SLC24A3: variants seen among roughly 807,000 people sequenced by gnomAD.
The protein encoded by SLC24A3 is solute carrier family 24 member 3, also known as sodium/potassium/calcium exchanger 3.
Under a neutral mutation model 75.8 loss-of-function variants are expected in SLC24A3, and 28 were observed. The ratio of observed to expected loss-of-function variants is 0.37; its 90% confidence interval spans 0.27 to 0.51. The LOEUF is 0.51. Ranked by LOEUF, SLC24A3 falls within the 20% of genes least tolerant of loss-of-function variation. The pLI is 0.94. For synonymous variants in SLC24A3, 372 were observed against 334.1 expected (o/e 1.11, Z -1.24); for missense variants, 663 against 847.8 (o/e 0.78, Z 2.71).
chr20:19,316,170 T>C (rs1293134867), intron 2 of SLC24A3, among the ~76,000 whole-genome samples: 1 of 152,202 alleles, frequency 6.6e-6, no homozygotes, highest in Admixed American at 6.5e-5. Context: ...TTCTACTGAA[T>C]GTGCATCACT....
chr20:19,711,417 C>T (rs1436330262), intron 15 of SLC24A3, among the ~76,000 whole-genome samples: 1 of 152,100 alleles, frequency 6.6e-6, no homozygotes, highest in Non-Finnish European at 1.5e-5. Flanking sequence ...CAGGCAAATG[C>T]ACACACACAT....
intron 2 of SLC24A3, among the ~76,000 whole-genome samples, chr20:19,332,118 T>G (rs1466425360): frequency 6.6e-6 from 1 of 152,196 alleles, no homozygotes; most frequent in Non-Finnish European, 1.5e-5. Flanking sequence ...AGGTCTTGTC[T>G]GCCATGGTAA....
intron 10 of SLC24A3, among the ~76,000 whole-genome samples, chr20:19,683,711 T>C (rs1269266293): frequency 6.6e-6 from 1 of 152,214 alleles, no homozygotes; most frequent in Non-Finnish European, 1.5e-5. Context: ...CAGATCTGAA[T>C]GGTGGGAAAA....
intron 1 of SLC24A3, among the ~76,000 whole-genome samples, chr20:19,257,977 A>G (rs1982866561): frequency 6.6e-6 from 1 of 152,224 alleles, no homozygotes. Context: ...AGGCACACGC[A>G]TCACTGTGCC....
chr20:19,227,408 G>A (rs62201125), intron 1 of SLC24A3, among the ~76,000 whole-genome samples: 1 of 145,004 alleles, frequency 6.9e-6, no homozygotes, highest in South Asian at 2.1e-4. Context: ...TTTTTTTTTG[G>A]CATAGAGGAT....
chr20:19,362,541 C>T (rs1016270800), intron 2 of SLC24A3, among the ~76,000 whole-genome samples: 4 of 152,312 alleles, frequency 2.6e-5, no homozygotes, highest in Admixed American at 6.5e-5. Context: ...ATGGTGTTCT[C>T]GGCTTCAGTT....
intron 6 of SLC24A3, among the ~76,000 whole-genome samples, chr20:19,621,084 G>T (rs1384701059): frequency 6.6e-6 from 1 of 152,042 alleles, no homozygotes. Flanking sequence ...TAGACTCTGC[G>T]CCCACACCAT....
intron 9 of SLC24A3, among the ~76,000 whole-genome samples, chr20:19,679,538 A>AGAGGGAGACCGTGGGGT (rs2032583320): frequency 3.3e-5 from 4 of 121,448 alleles, no homozygotes; most frequent in South Asian, 3.1e-4. Flanking sequence ...GACCGTGGGG[A>AGAGGGAGACCGTGGGGT]GGGGGAGAGG....
chr20:19,221,502 G>T, intron 1 of SLC24A3, among the ~76,000 whole-genome samples: 1 of 152,134 alleles, frequency 6.6e-6, no homozygotes, highest in Non-Finnish European at 1.5e-5. Context: ...ACAGCCTCCA[G>T]GTGCCTCCTA....
chr20:19,289,949 C>T (rs1983899047), intron 2 of SLC24A3, among the ~76,000 whole-genome samples: 1 of 152,212 alleles, frequency 6.6e-6, no homozygotes, highest in Non-Finnish European at 1.5e-5. Context: ...CTCCCAAAGC[C>T]TTGTTTGTGT....
At chr20:19,598,908 ACACACACACACACG>A (rs2031486677) in intron 6 of SLC24A3, among the ~76,000 whole-genome samples, 1 of 61,982 alleles carries the variant, frequency 1.6e-5, no homozygotes, top group Non-Finnish European at 3.9e-5. Flanking sequence ...ATGTATATAC[ACACACACACACACG>A]CACACACACA....
rs143350184 is a variant in SLC24A3 at position 19,688,765 on chromosome 20, G to C, written c.1324+3404G>C. Among the ~76,000 whole-genome samples the C allele has an allele frequency of 3.4e-3, 517 of 152,336 alleles. 2 individuals carry two copies. The highest frequency in any genetic ancestry group is 5.2e-3 in the Non-Finnish European group (357 of 68,042). The stretch of plus-strand genomic sequence containing the variant: ...AATGGGTATGATGATTACCAAGAAA[G>C]TAATTATTTAGGAGTATGTGAATAC... On this transcript the variant is annotated intron_variant, in intron 12 of 16. Coordinates refer to ENST00000328041, the MANE Select transcript of SLC24A3 (RefSeq NM_020689.4).
intron 1 of SLC24A3, among the ~76,000 whole-genome samples, chr20:19,249,490 C>T (rs1181771648): frequency 1.3e-5 from 2 of 152,216 alleles, no homozygotes; most frequent in East Asian, 3.8e-4. Context: ...TCAACATCCC[C>T]ACGGTCAGCT....
chr20:19,342,190 G>T (rs903432054), intron 2 of SLC24A3, among the ~76,000 whole-genome samples: 83 of 152,318 alleles, frequency 5.4e-4, no homozygotes, highest in Non-Finnish European at 9.8e-4. Context: ...CTAATGCAAT[G>T]CCCTATTCAG....
At position 19,398,038 on chromosome 20, in the gene SLC24A3, A is replaced by G. The variant is rs941103163; in HGVS notation, c.271+116951A>G. Among the ~76,000 whole-genome samples the G allele has an allele frequency of 4.6e-5, 7 of 152,096 alleles. No homozygotes were observed. In the East Asian group the frequency reaches 1.2e-3, roughly 25 times the overall value. On this transcript the variant is annotated intron_variant, in intron 2 of 16. Coordinates refer to ENST00000328041, the MANE Select transcript of SLC24A3 (RefSeq NM_020689.4). ...TGGATGTTTTCTACTTCTTTTTTCTATCTTGGCTTCTTTCTCTTAAATTAT... is the reference window on the plus strand; with the variant it reads ...TGGATGTTTTCTACTTCTTTTTTCTGTCTTGGCTTCTTTCTCTTAAATTAT...
rs368826693 is a variant in SLC24A3 at position 19,213,523 on chromosome 20, T to G, written c.142+539T>G. 82 of 152,386 alleles carry G rather than the reference T, an allele frequency of 5.4e-4. No individual in the cohort carries two copies. In the South Asian group the frequency reaches 9.3e-3, roughly 17 times the overall value. The allele number at this position is 152,386 out of a possible 1,614,324, so 9.4% of individuals were successfully genotyped here. A position where few individuals can be genotyped will look rare whatever the true frequency, so the allele number is the denominator to read the frequency against. ...CCGGGAACTTCAGGGAGAGAAAAAG[T>G]GTTGGCCCTCCAGCTATGGGCTAGT... On this transcript the variant is annotated intron_variant, in intron 1 of 16. Coordinates refer to ENST00000328041, the MANE Select transcript of SLC24A3 (RefSeq NM_020689.4).
At chr20:19,357,467 C>T (rs1985709015) in intron 2 of SLC24A3, among the ~76,000 whole-genome samples, 1 of 152,218 alleles carries the variant, frequency 6.6e-6, no homozygotes, top group Non-Finnish European at 1.5e-5. Flanking sequence ...TATTCATCAA[C>T]ATTGCCTATT....
At chr20:19,533,915 G>C (rs911845737) in intron 3 of SLC24A3, among the ~76,000 whole-genome samples, 1 of 152,238 alleles carries the variant, frequency 6.6e-6, no homozygotes, top group Non-Finnish European at 1.5e-5. Context: ...ATAAAGCCTT[G>C]TTGTAGCTTT....
intron 1 of SLC24A3, among the ~76,000 whole-genome samples, chr20:19,234,732 GA>G (rs1982115126): frequency 6.6e-6 from 1 of 152,120 alleles, no homozygotes; most frequent in South Asian, 2.1e-4. Context: ...AGAAGAAGGT[GA>G]ACAGAAGGTA....
Sources: gnomAD v4.1 joint callset for allele counts (sites outside exome capture counted in the v4.1 genomes callset) on GRCh38, gnomAD v4.1.1 for gene constraint, MANE v1.5 for transcripts, NCBI Gene and HGNC (gene_info 2026-07-23, HGNC 2026-07-21) for gene names.